Variants in GALNT13 observed in about 807,000 individuals in gnomAD.
GALNT13 encodes the protein polypeptide N-acetylgalactosaminyltransferase 13.
GALNT13 carries 28 observed loss-of-function variants against 64.2 expected under a neutral mutation model. The observed-to-expected ratio is 0.44, with a 90% CI of 0.32 to 0.60. The LOEUF (loss-of-function observed/expected upper bound fraction) is 0.60. Ranked by LOEUF, GALNT13 falls within the 20% of genes least tolerant of loss-of-function variation. GALNT13 has a pLI of 0.05. For synonymous variants in GALNT13, 214 were observed against 224.6 expected (o/e 0.95, Z 0.42); for missense variants, 577 against 669.8 (o/e 0.86, Z 1.53).
chr2:153,773,670 CCT>C, the GALNT13 span, among the ~76,000 whole-genome samples: 32 of 152,108 alleles, frequency 2.1e-4, no homozygotes, highest in Admixed American at 1.0e-3. Context: ...AAGAGGTTAA[CCT>C]CTCTGGAGAA....
In GALNT13 at chr2:153,927,531, T is replaced by G. The variant is rs1327169456; in HGVS notation, c.-104-16863T>G. The stretch of plus-strand genomic sequence containing the variant: ...ATACACTCCATTATATTAGTTGCTT[T>G]ATATTGATTGACAAATTATCATCTT... On this transcript the variant is annotated intron_variant, in intron 2 of 12. Coordinates refer to ENST00000392825, the MANE Select transcript of GALNT13 (RefSeq NM_052917.4). Among the ~76,000 whole-genome samples, 7 of 152,174 alleles carry G rather than the reference T, an allele frequency of 4.6e-5. No homozygotes were observed. The South Asian group carries it at 1.4e-3, about 32-fold the overall frequency.
chr2:154,114,269 C>T (rs1445320423), intron 3 of GALNT13, among the ~76,000 whole-genome samples: 1 of 152,178 alleles, frequency 6.6e-6, no homozygotes, highest in Non-Finnish European at 1.5e-5. Flanking sequence ...TGTGGGGGTT[C>T]TGCCAGCTGC....
At chr2:153,695,435 C>T in the GALNT13 span, among the ~76,000 whole-genome samples, 4 of 152,166 alleles carry the variant, frequency 2.6e-5, no homozygotes, top group Non-Finnish European at 1.5e-5. Flanking sequence ...TACCTCTCTT[C>T]TGCACAGCAA....
chr2:153,766,829 G>T, the GALNT13 span, among the ~76,000 whole-genome samples: 1 of 151,744 alleles, frequency 6.6e-6, no homozygotes, highest in Non-Finnish European at 1.5e-5. Context: ...TCTTTAAGAG[G>T]ATTATTCTTA....
intron 12 of GALNT13, among the ~76,000 whole-genome samples, chr2:154,449,426 CAAAA>C (rs201483247): frequency 9.4e-6 from 1 of 105,870 alleles, no homozygotes; most frequent in African/African-American, 3.4e-5. Context: ...TATCATGAGC[CAAAA>C]AAAAAAAAAA....
the GALNT13 span, among the ~76,000 whole-genome samples, chr2:153,252,819 A>C: frequency 6.6e-6 from 1 of 152,048 alleles, no homozygotes; most frequent in Admixed American, 6.6e-5. Context: ...CTGTTCTGTT[A>C]CATTGGTCTG....
At chr2:154,146,972 T>C (rs1230418140) in intron 4 of GALNT13, among the ~76,000 whole-genome samples, 1 of 152,078 alleles carries the variant, frequency 6.6e-6, no homozygotes, top group Non-Finnish European at 1.5e-5. Flanking sequence ...ATGATTATAA[T>C]CAAATAAAAT....
chr2:154,019,670 C>A (rs1697294590), intron 3 of GALNT13, among the ~76,000 whole-genome samples: 1 of 145,390 alleles, frequency 6.9e-6, no homozygotes, highest in African/African-American at 2.7e-5. Flanking sequence ...AAGAAAAATG[C>A]ACATGTTTAA....
chr2:154,234,761 C>A, intron 4 of GALNT13, among the ~76,000 whole-genome samples: 1 of 152,000 alleles, frequency 6.6e-6, no homozygotes, highest in East Asian at 1.9e-4. Flanking sequence ...TCATTGCAAA[C>A]CTTTCATCCA....
chr2:154,364,655 G>C (rs1048971617), intron 9 of GALNT13, among the ~76,000 whole-genome samples: 1 of 46,068 alleles, frequency 2.2e-5, no homozygotes, highest in African/African-American at 1.0e-4. Flanking sequence ...GTTTTGTTTT[G>C]TTTTGTTTTG....
the GALNT13 span, among the ~76,000 whole-genome samples, chr2:153,192,262 A>T: frequency 6.6e-5 from 10 of 151,940 alleles, no homozygotes; most frequent in African/African-American, 2.4e-4. Context: ...TCAAGAAGTC[A>T]TTTGATTCTC....
At chr2:153,386,486 TCTG>T in the GALNT13 span, among the ~76,000 whole-genome samples, 6 of 152,030 alleles carry the variant, frequency 3.9e-5, no homozygotes, top group Non-Finnish European at 8.8e-5. Context: ...AGTGCTAACT[TCTG>T]CTGACTTTGT....
intron 4 of GALNT13, among the ~76,000 whole-genome samples, chr2:154,237,826 AT>A (rs2105861117): frequency 6.6e-6 from 1 of 151,920 alleles, no homozygotes; most frequent in African/African-American, 2.4e-5. Context: ...TTTTTCAAAA[AT>A]ATTACATTAT....
At chr2:153,235,224 A>G in the GALNT13 span, among the ~76,000 whole-genome samples, 1 of 152,166 alleles carries the variant, frequency 6.6e-6, no homozygotes. Context: ...TAACTCCACA[A>G]TGTCCTCTAA....
intron 4 of GALNT13, among the ~76,000 whole-genome samples, chr2:154,143,206 T>C (rs1454741178): frequency 4.6e-5 from 7 of 152,096 alleles, no homozygotes; most frequent in East Asian, 1.9e-4. Context: ...CAGTTCACAA[T>C]AGGGTTTGTG....
chr2:153,755,452 G>A, the GALNT13 span, among the ~76,000 whole-genome samples: 19 of 151,864 alleles, frequency 1.3e-4, no homozygotes, highest in African/African-American at 4.6e-4. Context: ...ATTCTGACAG[G>A]TACTAGATAA....
At chr2:153,445,738 C>T in the GALNT13 span, among the ~76,000 whole-genome samples, 2 of 152,112 alleles carry the variant, frequency 1.3e-5, no homozygotes, top group African/African-American at 4.8e-5. Flanking sequence ...TCATATATAT[C>T]AATCATGGAG....
At chr2:153,933,881 G>T (rs967026001) in intron 2 of GALNT13, among the ~76,000 whole-genome samples, 1 of 152,128 alleles carries the variant, frequency 6.6e-6, no homozygotes, top group African/African-American at 2.4e-5. Flanking sequence ...GAAATTCTTA[G>T]TTGGACTTTC....
chr2:154,404,886 A>G (rs1048967095), intron 10 of GALNT13, among the ~76,000 whole-genome samples: 1 of 152,086 alleles, frequency 6.6e-6, no homozygotes, highest in African/African-American at 2.4e-5. Flanking sequence ...CATATTTGTG[A>G]AAATAGAAAT....
Sources: gnomAD v4.1 joint callset for allele counts (sites outside exome capture counted in the v4.1 genomes callset) on GRCh38, gnomAD v4.1.1 for gene constraint, MANE v1.5 for transcripts, NCBI Gene and HGNC (gene_info 2026-07-23, HGNC 2026-07-21) for gene names.